Variants in ATF6 observed in about 807,000 individuals in gnomAD.
The protein encoded by ATF6 is cyclic AMP-dependent transcription factor ATF-6 alpha.
Under a neutral mutation model 83.6 loss-of-function variants are expected in ATF6, and 53 were observed. The ratio of observed to expected loss-of-function variants is 0.63; its 90% CI spans 0.51 to 0.80. The LOEUF (loss-of-function observed/expected upper bound fraction) is 0.80, where lower values mean the gene tolerates loss of function less well. Ranked by LOEUF, ATF6 falls within the 30% of genes least tolerant of loss-of-function variation. The pLI, the probability that ATF6 is intolerant of heterozygous loss-of-function variation, is 0.00. For missense variants in ATF6, 744 were observed against 797.9 expected, an observed-to-expected ratio of 0.93 and a Z score of 0.81; for synonymous variants, 288 against 285.8, an observed-to-expected ratio of 1.01 and a Z score of -0.08.
chr1:161,791,064 GTGTGTGTGTGTGTGTGTGTCTC>G (rs1488914926), intron 4 of ATF6, among the ~76,000 whole-genome samples: 70 of 36,018 alleles, frequency 1.9e-3, no homozygotes, highest in Non-Finnish European at 2.9e-3. Flanking sequence ...AGTTTTATAT[GTGTGTGTGTGTGTGTGTGTCTC>G]TGTGTGTGTG....
chr1:161,853,208 A>T lies in ATF6; in HGVS notation c.1434-16A>T, dbSNP rs776697596. 6.8e-7 allele frequency: 1 copy of T among 1,479,320 alleles called. No individual in the cohort carries two copies. The highest frequency in any genetic ancestry group is 1.8e-5 in the Admixed American group (1 of 56,542). The allele number at this position is 1,479,320 out of a possible 1,614,324, so 91.6% of individuals were successfully genotyped here. ...AATTAATTTCTATGTTTAATTAATT[A>T]AACTATATTTTATAGGTTAAATCAT... On this transcript the variant is annotated splice_polypyrimidine_tract_variant and intron_variant, in intron 11 of 15. Coordinates refer to ENST00000367942, the MANE Select transcript of ATF6 (RefSeq NM_007348.4).
intron 15 of ATF6, among the ~76,000 whole-genome samples, chr1:161,915,142 C>T (rs913232248): frequency 8.5e-5 from 13 of 152,262 alleles, no homozygotes; most frequent in Admixed American, 2.6e-4. Flanking sequence ...TGTCATCATG[C>T]AAGAGCTACA....
intron 4 of ATF6, among the ~76,000 whole-genome samples, chr1:161,784,820 A>G (rs1684710677): frequency 6.6e-6 from 1 of 152,178 alleles, no homozygotes; most frequent in Admixed American, 6.5e-5. Context: ...CTGCCAGGCC[A>G]TCACTATCTC....
chr1:161,799,524 A>G (rs1012350567), intron 6 of ATF6, among the ~76,000 whole-genome samples: 10 of 152,122 alleles, frequency 6.6e-5, no homozygotes, highest in Admixed American at 6.5e-4. Flanking sequence ...TATGCCAAAC[A>G]CCTGTGACAT....
intron 15 of ATF6, among the ~76,000 whole-genome samples, chr1:161,942,830 C>T (rs1314963526): frequency 6.6e-6 from 1 of 151,336 alleles, no homozygotes; most frequent in Non-Finnish European, 1.5e-5. Flanking sequence ...GCTATGTCCT[C>T]ACCCACAGCC....
At position 161,778,250 on chromosome 1, in the gene ATF6, C is replaced by G; in HGVS notation, c.89C>G (p.Ala30Gly). 1 of 1,612,874 alleles carries G rather than the reference C, an allele frequency of 6.2e-7. No homozygotes were observed. Among genetic ancestry groups the G allele is most frequent in the Non-Finnish European group, 8.5e-7 (1 of 1,179,258 alleles). Reference sequence around the variant, plus strand: ...TCTTTTCCTTTGTCCAAAGATTCTGCTCTCTTTGCTGAACTCGGTTATTTC... The same window carrying G: ...TCTTTTCCTTTGTCCAAAGATTCTGGTCTCTTTGCTGAACTCGGTTATTTC... The part of the protein sequence containing the change: ...FHRLDEDWDS[A>G]LFAELGYFTD... Residue 30 changes from alanine (A) to glycine (G), a missense_variant, in exon 2 of 16, where the codon GCT becomes GGT. By Grantham distance (60) the Ala-to-Gly change is moderately conservative. Transcript: ENST00000367942.
intron 15 of ATF6, among the ~76,000 whole-genome samples, chr1:161,946,619 G>A (rs918054059): frequency 2.0e-5 from 3 of 152,190 alleles, no homozygotes; most frequent in South Asian, 2.1e-4. Flanking sequence ...CAAAGCCCTT[G>A]GGGGATGGAG....
At chr1:161,826,046 A>G (rs1466053068) in intron 9 of ATF6, among the ~76,000 whole-genome samples, 2 of 152,198 alleles carry the variant, frequency 1.3e-5, no homozygotes, top group African/African-American at 4.8e-5. Context: ...CAGAATAAAA[A>G]CCAAATATAT....
intron 9 of ATF6, among the ~76,000 whole-genome samples, chr1:161,823,366 T>G (rs1313301924): frequency 6.6e-6 from 1 of 152,138 alleles, no homozygotes; most frequent in Non-Finnish European, 1.5e-5. Context: ...TACATCAGTT[T>G]TAGTTTTTCT....
chr1:161,813,905 A>G (rs1399878794), intron 7 of ATF6, among the ~76,000 whole-genome samples: 1 of 142,232 alleles, frequency 7.0e-6, no homozygotes, highest in Non-Finnish European at 1.5e-5. Flanking sequence ...TTTTTTTGAG[A>G]TGGAGTTTCA....
At chr1:161,890,675 T>C (rs1687532311) in intron 14 of ATF6, among the ~76,000 whole-genome samples, 1 of 152,182 alleles carries the variant, frequency 6.6e-6, no homozygotes, top group Non-Finnish European at 1.5e-5. Flanking sequence ...CTCTAGCGGA[T>C]TGGCCCCAAA....
intron 15 of ATF6, among the ~76,000 whole-genome samples, chr1:161,948,353 AT>A (rs1183757052): frequency 6.6e-6 from 1 of 152,168 alleles, no homozygotes; most frequent in Non-Finnish European, 1.5e-5. Context: ...CAGAATTAAT[AT>A]TTTCTGATCA....
chr1:161,855,640 A>C (rs1686740314), intron 12 of ATF6, among the ~76,000 whole-genome samples: 1 of 152,188 alleles, frequency 6.6e-6, no homozygotes. Flanking sequence ...TTACAGGTTG[A>C]AAGAGAAAGA....
intron 13 of ATF6, among the ~76,000 whole-genome samples, chr1:161,860,692 A>G (rs1686864555): frequency 6.6e-6 from 1 of 152,040 alleles, no homozygotes; most frequent in African/African-American, 2.4e-5. Flanking sequence ...TCCATGTAAT[A>G]ACTAAAAGTT....
At chr1:161,848,826 T>C in intron 10 of ATF6, among the ~76,000 whole-genome samples, 1 of 152,200 alleles carries the variant, frequency 6.6e-6, no homozygotes, top group East Asian at 1.9e-4. Flanking sequence ...GAACTCTGAC[T>C]GTTCCTGGGC....
chr1:161,925,794 A>G (rs1433805097), intron 15 of ATF6, among the ~76,000 whole-genome samples: 1 of 152,228 alleles, frequency 6.6e-6, no homozygotes, highest in Non-Finnish European at 1.5e-5. Context: ...CTAAGAAAAA[A>G]ATGTAATTAA....
intron 9 of ATF6, among the ~76,000 whole-genome samples, chr1:161,834,344 C>G (rs1315498074): frequency 1.3e-5 from 2 of 151,834 alleles, no homozygotes; most frequent in Non-Finnish European, 2.9e-5. Flanking sequence ...TATTGCGGCA[C>G]TATTCACAAT....
intron 15 of ATF6, among the ~76,000 whole-genome samples, chr1:161,922,576 G>A (rs903149046): frequency 6.6e-6 from 1 of 152,030 alleles, no homozygotes; most frequent in African/African-American, 2.4e-5. Flanking sequence ...GAAATATGGT[G>A]GGAGTCAGGG....
chr1:161,817,213 G>A (rs1041539730), intron 7 of ATF6, among the ~76,000 whole-genome samples: 3 of 152,102 alleles, frequency 2.0e-5, no homozygotes, highest in African/African-American at 4.8e-5. Context: ...TTTATTAAAT[G>A]GTATGCCATC....
Sources: gnomAD v4.1 joint callset for allele counts (sites outside exome capture counted in the v4.1 genomes callset) on GRCh38, gnomAD v4.1.1 for gene constraint, MANE v1.5 for transcripts, NCBI Gene and HGNC (gene_info 2026-07-23, HGNC 2026-07-21) for gene names.